FNDC3A: variants seen among roughly 807,000 people sequenced by gnomAD.
FNDC3A encodes fibronectin type-III domain-containing protein 3A.
FNDC3A carries 32 observed loss-of-function variants against 148.9 expected under a neutral mutation model. That is an observed-to-expected ratio of 0.21 (90% CI 0.16 to 0.29). The LOEUF is 0.29. FNDC3A is among the 10% of genes least tolerant of loss of function. The pLI is 1.00. For missense variants in FNDC3A, 1,191 were observed against 1,452.8 expected (o/e 0.82, Z 2.93); for synonymous variants, 472 against 473.6 (o/e 1.00, Z 0.04).
At chr13:49,096,651 ATTTGT>A (rs1319004613) in intron 3 of FNDC3A, among the ~76,000 whole-genome samples, 1 of 152,136 alleles carries the variant, frequency 6.6e-6, no homozygotes, top group Admixed American at 6.6e-5. Flanking sequence ...TAGAGAGAGA[ATTTGT>A]TTTAAGTGCC....
intron 2 of FNDC3A, among the ~76,000 whole-genome samples, chr13:49,010,290 A>G (rs1242078137): frequency 1.3e-5 from 2 of 152,166 alleles, no homozygotes; most frequent in Non-Finnish European, 2.9e-5. Flanking sequence ...AGGGTAGGGT[A>G]AATATTGGCT....
At chr13:49,116,500 AC>A (rs1392063279) in intron 4 of FNDC3A, among the ~76,000 whole-genome samples, 1 of 152,038 alleles carries the variant, frequency 6.6e-6, no homozygotes, top group East Asian at 1.9e-4. Flanking sequence ...AAGTGGATAA[AC>A]TCTATAATGT....
intron 1 of FNDC3A, among the ~76,000 whole-genome samples, chr13:49,003,410 TTCTA>T (rs2137592539): frequency 6.6e-6 from 1 of 152,306 alleles, no homozygotes; most frequent in South Asian, 2.1e-4. Context: ...CTTGTTATTT[TTCTA>T]TCTTTTTTTA....
intron 2 of FNDC3A, among the ~76,000 whole-genome samples, chr13:49,039,242 T>C (rs549160861): frequency 5.9e-5 from 9 of 152,348 alleles, no homozygotes; most frequent in African/African-American, 2.2e-4. Context: ...AGGTATAATC[T>C]TTTCTATAAT....
At chr13:49,075,902 T>C (rs1368385848) in intron 3 of FNDC3A, among the ~76,000 whole-genome samples, 1 of 149,524 alleles carries the variant, frequency 6.7e-6, no homozygotes, top group Non-Finnish European at 1.5e-5. Context: ...AGTCTTTGTT[T>C]AGTGAGCATC....
chr13:49,196,888 T>G lies in FNDC3A; in HGVS notation c.2238T>G (p.Phe746Leu). The G allele has an allele frequency of 1.9e-6, 3 of 1,600,880 alleles. No homozygotes were observed. The highest frequency in any genetic ancestry group is 1.7e-6 in the Non-Finnish European group (2 of 1,174,430). Residue 746 changes from phenylalanine (F) to leucine (L), a missense_variant, in exon 20 of 26, where the codon TTT (phenylalanine) becomes TTG (leucine). Physicochemically the swap from Phe to Leu is conservative, Grantham distance 22 (BLOSUM62 0). This residue lies in a region of FNDC3A where 751 missense variants were observed against 944.0 expected (regional missense o/e 0.80). Coordinates refer to ENST00000492622, the MANE Select transcript of FNDC3A (RefSeq NM_001079673.2). Reference protein sequence around the residue: ...RAANKMGFGPFSEKCDITTAP... With the variant: ...RAANKMGFGPLSEKCDITTAP... ...ATTTGTTTTTCTAGTTTGGACCATT[T>G]TCAGAAAAATGTGATATTACTACAG...
chr13:48,982,905 A>C (rs1038123467), intron 1 of FNDC3A, among the ~76,000 whole-genome samples: 2 of 152,178 alleles, frequency 1.3e-5, no homozygotes, highest in Non-Finnish European at 2.9e-5. Flanking sequence ...GCTATCTCCT[A>C]ATATAGACTG....
chr13:49,140,423 G>A (rs1449626897), intron 7 of FNDC3A, among the ~76,000 whole-genome samples: 1 of 152,204 alleles, frequency 6.6e-6, no homozygotes, highest in East Asian at 1.9e-4. Context: ...ACATTAGGAA[G>A]AACATGTAGT....
chr13:49,139,836 T>C (rs1019006951), intron 7 of FNDC3A, among the ~76,000 whole-genome samples: 3 of 152,200 alleles, frequency 2.0e-5, no homozygotes, highest in African/African-American at 7.2e-5. Context: ...TTTTCCCTGC[T>C]TTACAAATGA....
chr13:49,146,109 T>A, intron 8 of FNDC3A, 174 bp downstream of exon 8: 1 of 542,742 alleles, frequency 1.8e-6, no homozygotes, highest in Non-Finnish European at 3.2e-6. Flanking sequence ...GGTACACATT[T>A]CTGTCTACCT....
rs1417158126 is a variant in FNDC3A at position 49,207,640 on chromosome 13, T to G, written c.*245T>G. On this transcript the variant is annotated 3_prime_UTR_variant, in exon 26 of 26. Coordinates refer to ENST00000492622, the MANE Select transcript of FNDC3A (RefSeq NM_001079673.2). ...GGTCTTCTTTTTTTCTTTCCCTCTC[T>G]CTTTTTTTAACAAATGCCTTCTTAT... 6 of 363,328 alleles carry G rather than the reference T, an allele frequency of 1.7e-5. No homozygotes were observed. The highest frequency in any genetic ancestry group is 3.0e-5 in the Non-Finnish European group (6 of 201,610). The allele number at this position is 363,328 out of a possible 1,614,324, so 22.5% of individuals were successfully genotyped here.
At chr13:49,015,589 A>G (rs1952480120) in intron 2 of FNDC3A, among the ~76,000 whole-genome samples, 1 of 152,138 alleles carries the variant, frequency 6.6e-6, no homozygotes, top group African/African-American at 2.4e-5. Context: ...AATACCCTTT[A>G]TTTCCTTCTC....
rs190817782 is a variant in FNDC3A, at chr13:49,123,662, A to C, written c.253-7475A>C. 2.6e-3 allele frequency among the ~76,000 whole-genome samples: 394 copies of C among 152,054 alleles called. 10 individuals are homozygous for C. In the East Asian group the frequency reaches 0.041, roughly 16 times the overall value. On this transcript the variant is annotated intron_variant, in intron 4 of 25. Coordinates refer to ENST00000492622, the MANE Select transcript of FNDC3A (RefSeq NM_001079673.2). ...CTTAAACAAATTTACAAAAAAAAAA[A>C]CCAACCCCATCAAAAAGTGGGCGAA...
intron 3 of FNDC3A, among the ~76,000 whole-genome samples, chr13:49,095,793 G>A (rs945169234): frequency 1.3e-5 from 2 of 152,000 alleles, no homozygotes; most frequent in African/African-American, 4.8e-5. Flanking sequence ...TTTTCCAGGA[G>A]CATACCTGAG....
intron 17 of FNDC3A, among the ~76,000 whole-genome samples, chr13:49,189,185 C>CAG (rs34613439): frequency 0.98 from 148,501 of 150,984 alleles, 73,056 homozygotes; most frequent in South Asian, 1. Context: ...TTTTGGGAAA[C>CAG]AGTCTCACTC....
chr13:48,981,483 T>A (rs984435945), intron 1 of FNDC3A, among the ~76,000 whole-genome samples: 5 of 151,372 alleles, frequency 3.3e-5, no homozygotes, highest in Admixed American at 6.6e-5. Flanking sequence ...ATGCAGCCTT[T>A]TTTTTTTTTT....
intron 3 of FNDC3A, among the ~76,000 whole-genome samples, chr13:49,080,388 T>C (rs77290977): frequency 1.3e-5 from 2 of 152,186 alleles, no homozygotes; most frequent in Admixed American, 1.3e-4. Flanking sequence ...CCTCATTTTT[T>C]CCCCCTTCTT....
At chr13:49,039,259 C>G (rs1433145581) in intron 2 of FNDC3A, among the ~76,000 whole-genome samples, 1 of 152,148 alleles carries the variant, frequency 6.6e-6, no homozygotes, top group African/African-American at 2.4e-5. Flanking sequence ...TAATACCAAT[C>G]TTTTGAATAA....
intron 3 of FNDC3A, among the ~76,000 whole-genome samples, chr13:49,094,018 G>A (rs1014731464): frequency 6.6e-6 from 1 of 152,010 alleles, no homozygotes; most frequent in African/African-American, 2.4e-5. Flanking sequence ...AAGAGTGAAC[G>A]ATACAGATTT....
Sources: allele counts gnomAD v4.1 joint callset (sites outside exome capture counted in the v4.1 genomes callset), GRCh38; gene constraint gnomAD v4.1.1; regional missense constraint gnomAD v4.1.1; transcripts MANE v1.5; gene names NCBI Gene and HGNC (gene_info 2026-07-23, HGNC 2026-07-21).